The following RPS6KA5 variants were observed in gnomAD, a reference collection of about 807,000 sequenced individuals.
RPS6KA5 encodes the protein ribosomal protein S6 kinase A5.
A neutral mutation model predicts 85.5 loss-of-function variants in RPS6KA5; 27 were observed. The observed-to-expected ratio is 0.32, with a 90% CI of 0.23 to 0.44. The LOEUF (loss-of-function observed/expected upper bound fraction) is 0.44. RPS6KA5 is among the 20% of genes least tolerant of loss of function. The pLI is 1.00. For synonymous variants in RPS6KA5, 334 were observed against 348.2 expected, an observed-to-expected ratio of 0.96 and a Z score of 0.46; for missense variants, 811 against 980.9, an observed-to-expected ratio of 0.83 and a Z score of 2.31.
chr14:91,051,833 G>C lies in RPS6KA5; in HGVS notation c.103+8499C>G, dbSNP rs559744286. ...GAAAAAGCTCACCCAAACCAACTAG[G>C]AATAGAAGAGAACTTTGTCAACCTG... On this transcript the variant is annotated intron_variant, in intron 1 of 16. Transcript: ENST00000614987. Among the ~76,000 whole-genome samples the C allele has an allele frequency of 9.2e-5, 14 of 151,774 alleles. 1 individual carries two copies. Among genetic ancestry groups the C allele is most frequent in the Admixed American group, 7.2e-4 (11 of 15,196 alleles).
chr14:90,873,808 A>T lies in RPS6KA5; in HGVS notation c.1997-13T>A, dbSNP rs138152158. 1 of 1,601,204 alleles carries T rather than the reference A, an allele frequency of 6.2e-7. No individual in the cohort carries two copies. ...ACTGTGAGAAGTCCTTTGGGAATAG[A>T]TATTTTTATTTTATGATTTGTCATT... On this transcript the variant is annotated splice_polypyrimidine_tract_variant and intron_variant, in intron 15 of 16. Coordinates refer to ENST00000614987, the MANE Select transcript of RPS6KA5 (RefSeq NM_004755.4).
At chr14:90,955,457 G>C (rs2038449723) in intron 3 of RPS6KA5, among the ~76,000 whole-genome samples, 1 of 152,020 alleles carries the variant, frequency 6.6e-6, no homozygotes, top group Non-Finnish European at 1.5e-5. Flanking sequence ...CTCACACTTT[G>C]TTGCCCAGGC....
At chr14:91,025,805 T>C (rs2041967750) in intron 1 of RPS6KA5, among the ~76,000 whole-genome samples, 1 of 122,204 alleles carries the variant, frequency 8.2e-6, no homozygotes, top group Admixed American at 8.6e-5. Context: ...AATGTCCTTT[T>C]TCTCTTAAAA....
intron 14 of RPS6KA5, among the ~76,000 whole-genome samples, chr14:90,885,021 G>A (rs929348682): frequency 6.6e-6 from 1 of 152,134 alleles, no homozygotes; most frequent in Non-Finnish European, 1.5e-5. Context: ...GGGAGGCTGA[G>A]ATGGGTGGAC....
intron 2 of RPS6KA5, among the ~76,000 whole-genome samples, chr14:90,994,776 G>A (rs977513199): frequency 1.5e-4 from 23 of 151,352 alleles, no homozygotes; most frequent in Admixed American, 1.5e-3. Context: ...GTTTAACCGT[G>A]TTAGCCAGGA....
intron 14 of RPS6KA5, among the ~76,000 whole-genome samples, chr14:90,878,797 A>G (rs2033642432): frequency 1.3e-5 from 2 of 152,224 alleles, no homozygotes; most frequent in African/African-American, 4.8e-5. Flanking sequence ...CATACGTTGC[A>G]CTGGAGAATA....
intron 2 of RPS6KA5, among the ~76,000 whole-genome samples, chr14:90,997,870 G>A (rs571810701): frequency 3.3e-5 from 5 of 151,938 alleles, no homozygotes; most frequent in South Asian, 2.1e-4. Context: ...AAAATTAGCC[G>A]AGCGTGGTGG....
At position 90,945,359 on chromosome 14, in the gene RPS6KA5, C is replaced by T. The variant is rs10135981; in HGVS notation, c.510+2076G>A. Among the ~76,000 whole-genome samples the T allele has an allele frequency of 9.7e-3, 1,481 of 152,312 alleles. 10 individuals are homozygous for T. The highest frequency in any genetic ancestry group is 0.034 in the South Asian group (163 of 4,822). On this transcript the variant is annotated intron_variant, in intron 4 of 16. Coordinates refer to ENST00000614987, the MANE Select transcript of RPS6KA5 (RefSeq NM_004755.4). ...ATGTCTAGAGCTTATATTGAACAGA[C>T]ATTGACTTGGAGCATTATATGCATC...
intron 1 of RPS6KA5, among the ~76,000 whole-genome samples, chr14:91,054,591 C>T (rs904637007): frequency 6.8e-6 from 1 of 147,726 alleles, no homozygotes; most frequent in Non-Finnish European, 1.5e-5. Flanking sequence ...GAGGCAAGAT[C>T]ATGCCACTGC....
At chr14:90,986,011 T>C (rs1190847359) in intron 2 of RPS6KA5, among the ~76,000 whole-genome samples, 1 of 152,040 alleles carries the variant, frequency 6.6e-6, no homozygotes, top group Non-Finnish European at 1.5e-5. Context: ...TATAAAAGGC[T>C]AGGGGGAGTA....
At chr14:91,049,505 C>T (rs1049150724) in intron 1 of RPS6KA5, among the ~76,000 whole-genome samples, 1 of 152,100 alleles carries the variant, frequency 6.6e-6, no homozygotes. Flanking sequence ...GTCCCAGCTA[C>T]TCGGGAGGCT....
chr14:90,992,312 G>A (rs2040344095), intron 2 of RPS6KA5, among the ~76,000 whole-genome samples: 1 of 152,114 alleles, frequency 6.6e-6, no homozygotes, highest in Non-Finnish European at 1.5e-5. Context: ...AAAAGGAAAA[G>A]CAGTCTCCAT....
At chr14:90,981,079 G>T (rs887591424) in intron 2 of RPS6KA5, among the ~76,000 whole-genome samples, 1 of 152,242 alleles carries the variant, frequency 6.6e-6, no homozygotes, top group Non-Finnish European at 1.5e-5. Context: ...GCTGAGGCAG[G>T]AGAATTGCTT....
At chr14:90,934,920 T>C (rs2037180885) in intron 5 of RPS6KA5, among the ~76,000 whole-genome samples, 1 of 152,186 alleles carries the variant, frequency 6.6e-6, no homozygotes, top group African/African-American at 2.4e-5. Flanking sequence ...GGGTAACACT[T>C]TGGTTTCTAG....
chr14:90,943,354 C>G (rs1372935835), intron 4 of RPS6KA5, among the ~76,000 whole-genome samples, 169 bp from the exon 5 acceptor site: 1 of 151,342 alleles, frequency 6.6e-6, no homozygotes, highest in Non-Finnish European at 1.5e-5. Context: ...ATTCTTTTAT[C>G]TGCTGCGTTC....
chr14:90,985,267 G>A (rs1229110179), intron 2 of RPS6KA5, among the ~76,000 whole-genome samples: 2 of 152,164 alleles, frequency 1.3e-5, no homozygotes, highest in Non-Finnish European at 2.9e-5. Context: ...CATTAAAATG[G>A]TATGAGGTTA....
At chr14:90,874,624 T>C (rs73324605) in intron 15 of RPS6KA5, among the ~76,000 whole-genome samples, 6,359 of 152,192 alleles carry the variant, frequency 0.042, 430 homozygotes, top group African/African-American at 0.15. Flanking sequence ...ATAGGGATTC[T>C]AGAAAAGTCC....
intron 6 of RPS6KA5, among the ~76,000 whole-genome samples, chr14:90,922,702 G>A (rs2036464682): frequency 6.6e-6 from 1 of 152,152 alleles, no homozygotes; most frequent in Non-Finnish European, 1.5e-5. Context: ...ATCCACCTTG[G>A]CCTTCCAAAG....
intron 5 of RPS6KA5, among the ~76,000 whole-genome samples, chr14:90,940,361 A>T (rs2037503429): frequency 6.6e-6 from 1 of 152,042 alleles, no homozygotes; most frequent in Admixed American, 6.6e-5. Context: ...ATTTGACTGG[A>T]TCTCCATCAT....
Sources: allele counts gnomAD v4.1 joint callset (sites outside exome capture counted in the v4.1 genomes callset), GRCh38; gene constraint gnomAD v4.1.1; transcripts MANE v1.5; gene names NCBI Gene and HGNC (gene_info 2026-07-23, HGNC 2026-07-21).